Variants in HECW1 observed in about 807,000 individuals in gnomAD.
The protein encoded by HECW1 is E3 ubiquitin-protein ligase HECW1.
HECW1 carries 61 observed loss-of-function variants against 182.3 expected under a neutral mutation model. The observed-to-expected ratio is 0.33, with a 90% CI of 0.27 to 0.41. The LOEUF is 0.41. Among genes scored for constraint, HECW1 ranks in the 10% least tolerant of loss-of-function variants. The pLI, the probability that HECW1 is intolerant of heterozygous loss-of-function variation, is 1.00. For synonymous variants in HECW1, 859 were observed against 832.6 expected, an observed-to-expected ratio of 1.03 and a Z score of -0.55; for missense variants, 1,739 against 2,108.9, an observed-to-expected ratio of 0.82 and a Z score of 3.44.
intron 2 of HECW1, among the ~76,000 whole-genome samples, chr7:43,205,499 T>C (rs899110616): frequency 6.6e-6 from 1 of 152,144 alleles, no homozygotes; most frequent in Non-Finnish European, 1.5e-5. Context: ...TGAAATCACT[T>C]GTGCTGCAAG....
intron 8 of HECW1, among the ~76,000 whole-genome samples, chr7:43,431,982 C>T (rs961388267): frequency 6.6e-6 from 1 of 151,286 alleles, no homozygotes; most frequent in Non-Finnish European, 1.5e-5. Flanking sequence ...CACCTGCCAC[C>T]ATGCCTGGCT....
intron 29 of HECW1, among the ~76,000 whole-genome samples, chr7:43,560,151 G>C (rs186423078): frequency 6.6e-6 from 1 of 152,058 alleles, no homozygotes; most frequent in Admixed American, 6.6e-5. Flanking sequence ...ACCCCACTTC[G>C]CCTGTTTAGC....
At chr7:43,252,502 C>T (rs577543517) in intron 3 of HECW1, among the ~76,000 whole-genome samples, 16 of 152,368 alleles carry the variant, frequency 1.1e-4, no homozygotes, top group African/African-American at 3.6e-4. Flanking sequence ...GTAATTCATG[C>T]AGACATTTAA....
chr7:43,335,801 A>C (rs1321248033), intron 5 of HECW1, among the ~76,000 whole-genome samples: 6 of 71,802 alleles, frequency 8.4e-5, no homozygotes, highest in Admixed American at 3.5e-4. Flanking sequence ...CCTTCCTTCC[A>C]TCTCTTTCCT....
intron 3 of HECW1, among the ~76,000 whole-genome samples, chr7:43,302,873 C>T (rs1807018681): frequency 6.6e-6 from 1 of 152,186 alleles, no homozygotes; most frequent in South Asian, 2.1e-4. Flanking sequence ...CTCTTTCTCA[C>T]ATCTGTAAGT....
chr7:43,397,513 T>A (rs1338367433), intron 7 of HECW1, among the ~76,000 whole-genome samples: 2 of 151,908 alleles, frequency 1.3e-5, no homozygotes, highest in African/African-American at 4.8e-5. Context: ...GAAAAGAGAG[T>A]CAGCAAAGGG....
chr7:43,249,047 C>G (rs1410738013), intron 3 of HECW1: 1 of 152,314 alleles, frequency 6.6e-6, no homozygotes, highest in Non-Finnish European at 1.5e-5. Context: ...GAGGAGCTCC[C>G]GTGAGGAGAC....
chr7:43,479,624 C>T lies in HECW1; in HGVS notation c.3114C>T (p.Asp1038=), dbSNP rs1379909266. ...TDQQGKSFFV[D]HNSRATTFID... ...TCTGTTCGCAGTCTTTTTTCGTGGA[C>T]CACAACAGTCGAGCTACCACTTTCA... The change falls in exon 17 of 30, where the codon GAC becomes GAT. Residue 1038 remains aspartate (D), a synonymous_variant. Transcript: ENST00000395891. 7 of 1,613,948 alleles carry T rather than the reference C, an allele frequency of 4.3e-6. No individual in the cohort carries two copies. Among genetic ancestry groups the T allele is most frequent in the Non-Finnish European group, 5.9e-6 (7 of 1,180,008 alleles).
intron 5 of HECW1, among the ~76,000 whole-genome samples, chr7:43,341,194 T>A (rs1490359828): frequency 6.6e-6 from 1 of 151,360 alleles, no homozygotes; most frequent in Non-Finnish European, 1.5e-5. Context: ...TAGCATTAGG[T>A]GAAATATCTA....
intron 2 of HECW1, among the ~76,000 whole-genome samples, chr7:43,229,757 C>T (rs1015760448): frequency 9.5e-4 from 145 of 152,174 alleles, no homozygotes; most frequent in African/African-American, 3.4e-3. Flanking sequence ...ATGTAATTTC[C>T]GAGTGTCTCT....
chr7:43,335,210 C>A (rs1392402717), intron 5 of HECW1, among the ~76,000 whole-genome samples: 1 of 152,130 alleles, frequency 6.6e-6, no homozygotes, highest in East Asian at 1.9e-4. Context: ...TCAGGCCTTA[C>A]CCTTACTGCT....
intron 11 of HECW1, among the ~76,000 whole-genome samples, chr7:43,446,568 TTG>T (rs942486697): frequency 6.6e-6 from 1 of 152,074 alleles, no homozygotes; most frequent in Admixed American, 6.5e-5. Flanking sequence ...AGGGCCAGAG[TTG>T]TGTTTCTTTA....
chr7:43,529,173 C>A (rs1323448234), intron 24 of HECW1, among the ~76,000 whole-genome samples: 2 of 152,106 alleles, frequency 1.3e-5, no homozygotes, highest in African/African-American at 2.4e-5. Context: ...AATCATTCTA[C>A]AGCCGGCGTT....
intron 3 of HECW1, among the ~76,000 whole-genome samples, chr7:43,275,076 A>G (rs1325530562): frequency 1.3e-5 from 2 of 152,204 alleles, no homozygotes; most frequent in African/African-American, 4.8e-5. Flanking sequence ...ATAACAGAGC[A>G]AAGTACTCAG....
At chr7:43,270,493 C>T (rs904020179) in intron 3 of HECW1, among the ~76,000 whole-genome samples, 14 of 152,208 alleles carry the variant, frequency 9.2e-5, no homozygotes, top group Non-Finnish European at 1.5e-4. Context: ...GTAGAAGCTG[C>T]AGTGCCTTTA....
chr7:43,247,844 AGAAG>A (rs1196510948), intron 3 of HECW1, among the ~76,000 whole-genome samples: 1 of 113,126 alleles, frequency 8.8e-6, no homozygotes, highest in Non-Finnish European at 1.6e-5. Flanking sequence ...GAAGGAAGGA[AGAAG>A]GAAGGAAGGA....
In HECW1 at chr7:43,565,477, A is replaced by C. The variant is rs1488222646; in HGVS notation, c.*3551A>C. On this transcript the variant is annotated 3_prime_UTR_variant, in exon 30 of 30. Transcript: ENST00000395891. Reference sequence around the variant, plus strand: ...CAAAATTTGGGTTCGGAAATTTCTCAGTTGCCACAAATATTTTCCCAGTCA... The same window carrying C: ...CAAAATTTGGGTTCGGAAATTTCTCCGTTGCCACAAATATTTTCCCAGTCA... 1 of 189,402 alleles carries C rather than the reference A, an allele frequency of 5.3e-6. No individual in the cohort carries two copies. The highest frequency in any genetic ancestry group is 8.3e-5 in the East Asian group (1 of 11,988). The allele number at this position is 189,402 out of a possible 1,614,324, so 11.7% of individuals were successfully genotyped here.
intron 2 of HECW1, among the ~76,000 whole-genome samples, chr7:43,170,548 C>T (rs980916021): frequency 6.6e-5 from 10 of 152,064 alleles, no homozygotes; most frequent in African/African-American, 2.4e-4. Context: ...GGTTACAGCT[C>T]GTGAACAGAC....
intron 16 of HECW1, among the ~76,000 whole-genome samples, chr7:43,469,833 G>A (rs2077943938): frequency 6.6e-6 from 1 of 152,194 alleles, no homozygotes; most frequent in Admixed American, 6.5e-5. Context: ...TATGGTCCAA[G>A]GAACCAGAAG....
Sources: allele counts gnomAD v4.1 joint callset (sites outside exome capture counted in the v4.1 genomes callset), GRCh38; gene constraint gnomAD v4.1.1; transcripts MANE v1.5; gene names NCBI Gene and HGNC (gene_info 2026-07-23, HGNC 2026-07-21).